Variants in SEPTIN9 observed in about 807,000 individuals in gnomAD.
The protein encoded by SEPTIN9 is septin-9.
SEPTIN9 carries 13 observed loss-of-function variants against 56.6 expected under a neutral mutation model. The observed-to-expected ratio is 0.23, with a 90% CI of 0.15 to 0.37. The LOEUF is 0.37. Ranked by LOEUF, SEPTIN9 falls within the 10% of genes least tolerant of loss-of-function variation. The pLI, the probability that SEPTIN9 is intolerant of heterozygous loss-of-function variation, is 1.00. For missense variants in SEPTIN9, 650 were observed against 823.1 expected (o/e 0.79, Z 2.57); for synonymous variants, 332 against 334.1 (o/e 0.99, Z 0.07).
At chr17:77,495,324 T>C (rs1252033119) in intron 10 of SEPTIN9, among the ~76,000 whole-genome samples, 1 of 152,202 alleles carries the variant, frequency 6.6e-6, no homozygotes, top group Non-Finnish European at 1.5e-5. Context: ...CCTGGAAATG[T>C]GCCTTCAGCA....
rs545623170 is a variant in SEPTIN9 at position 77,319,364 on chromosome 17, G to A, written c.76+12167G>A. Among the ~76,000 whole-genome samples, 5 of 152,332 alleles carry A rather than the reference G, an allele frequency of 3.3e-5. No individual in the cohort carries two copies. The South Asian group carries it at 6.2e-4, about 19-fold the overall frequency. ...CGGATGAACAGTGGGGAACAGCACT[G>A]ATCCCCCAGTGGGGCCCCGAGTTCC... On this transcript the variant is annotated intron_variant, in intron 2 of 11. Transcript: ENST00000427177. The surrounding 1 kb of genome is among the most constrained non-coding windows in gnomAD (Gnocchi z 5.3).
At position 77,453,085 on chromosome 17, in the gene SEPTIN9, G is replaced by T. The variant is rs951645381; in HGVS notation, c.722-29059G>T. Among the ~76,000 whole-genome samples, 1 of 151,810 alleles carries T rather than the reference G, an allele frequency of 6.6e-6. No individual in the cohort carries two copies. The highest frequency in any genetic ancestry group is 2.1e-4 in the South Asian group (1 of 4,812). On this transcript the variant is annotated intron_variant, in intron 3 of 11. Coordinates refer to ENST00000427177, the MANE Select transcript of SEPTIN9 (RefSeq NM_001113491.2). The surrounding 1 kb of genome is among the most constrained non-coding windows in gnomAD (Gnocchi z 4.4). ...GAGACACTATTGCATTGGCCACTTT[G>T]TGTTCCCACTAGCCCCCGCCCCTGT...
At chr17:77,362,675 A>G (rs1023617278) in intron 2 of SEPTIN9, among the ~76,000 whole-genome samples, 4 of 152,154 alleles carry the variant, frequency 2.6e-5, no homozygotes, top group Non-Finnish European at 4.4e-5. Flanking sequence ...ATGCTGCTGT[A>G]TGTTCACAGG....
Position 77,405,606 on chromosome 17 carries a change from C to A in SEPTIN9, c.721+2903C>A, listed in dbSNP as rs1054056167. Among the ~76,000 whole-genome samples the A allele has an allele frequency of 4.6e-5, 7 of 151,934 alleles. No homozygotes were observed. Among genetic ancestry groups the A allele is most frequent in the Non-Finnish European group, 8.8e-5 (6 of 67,952 alleles). ...GACAGTCCTGAGGGCCTAAGCAAGT[C>A]CAGGTGGAGGAAATGCAGGGACAGA... On this transcript the variant is annotated intron_variant, in intron 3 of 11. Coordinates refer to ENST00000427177, the MANE Select transcript of SEPTIN9 (RefSeq NM_001113491.2). The surrounding 1 kb of genome is among the most constrained non-coding windows in gnomAD (Gnocchi z 5.8).
chr17:77,299,006 T>C (rs1342381156), intron 1 of SEPTIN9, among the ~76,000 whole-genome samples: 1 of 152,108 alleles, frequency 6.6e-6, no homozygotes, highest in East Asian at 1.9e-4. Flanking sequence ...CTCCTCACTC[T>C]CTCTGCATCC....
chr17:77,293,023 TTTA>T (rs1301617823), intron 1 of SEPTIN9, among the ~76,000 whole-genome samples: 1 of 151,364 alleles, frequency 6.6e-6, no homozygotes. Context: ...TATTTATTTA[TTTA>T]TTTTTCCCAA....
chr17:77,408,721 G>T (rs934308024), intron 3 of SEPTIN9, among the ~76,000 whole-genome samples: 1 of 152,148 alleles, frequency 6.6e-6, no homozygotes, highest in African/African-American at 2.4e-5. Flanking sequence ...CACCTACTGG[G>T]CCCCAGAAGT....
rs1378919485 is a variant in SEPTIN9, at chr17:77,499,162, T to C, written c.*504T>C. On this transcript the variant is annotated 3_prime_UTR_variant, in exon 12 of 12. Transcript: ENST00000427177. ...CCTGGACCCCCTGCCCGCCACATGGTGTGGCCATCACTCAGCCCCTACCCC... is the reference window on the plus strand; with the variant it reads ...CCTGGACCCCCTGCCCGCCACATGGCGTGGCCATCACTCAGCCCCTACCCC... 1 of 536,802 alleles carries C rather than the reference T, an allele frequency of 1.9e-6. No individual in the cohort carries two copies. The highest frequency in any genetic ancestry group is 2.2e-5 in the Admixed American group (1 of 45,062). The allele number at this position is 536,802 out of a possible 1,614,324, so 33.3% of individuals were successfully genotyped here.
chr17:77,324,358 C>T (rs1347545), intron 2 of SEPTIN9, among the ~76,000 whole-genome samples: 57,871 of 152,104 alleles, frequency 0.38, 11,675 homozygotes, highest in African/African-American at 0.51. Context: ...GGATGCACAG[C>T]ATGGTTCCAT....
In SEPTIN9 at chr17:77,351,713, G is replaced by A. The variant is rs78109613; in HGVS notation, c.76+44516G>A. ...CGCCCAGCCCAGCGGCCCTTCAGGCGGGCCCTGTGCAGGGGCTGATGAAGT... is the reference window on the plus strand; with the variant it reads ...CGCCCAGCCCAGCGGCCCTTCAGGCAGGCCCTGTGCAGGGGCTGATGAAGT... On this transcript the variant is annotated intron_variant, in intron 2 of 11. Coordinates refer to ENST00000427177, the MANE Select transcript of SEPTIN9 (RefSeq NM_001113491.2). Among the ~76,000 whole-genome samples the A allele has an allele frequency of 7.9e-3, 1,205 of 152,346 alleles. 25 individuals carry two copies. Among genetic ancestry groups the A allele is most frequent in the African/African-American group, 0.027 (1,140 of 41,586 alleles).
rs939665039 is a variant in SEPTIN9 at position 77,475,537 on chromosome 17, G to T, written c.722-6607G>T. On this transcript the variant is annotated intron_variant, in intron 3 of 11. Transcript: ENST00000427177. This position sits in a 1 kb window ranked among gnomAD's most constrained non-coding sequence, Gnocchi z 4.6. Reference sequence around the variant, plus strand: ...TGCCCCCATGGGCTCAAGTTTCTGGGAAGGCCTGCAGGTGGCCGTAGGGCT... The same window carrying T: ...TGCCCCCATGGGCTCAAGTTTCTGGTAAGGCCTGCAGGTGGCCGTAGGGCT... 3.1e-6 allele frequency: 5 copies of T among 1,612,236 alleles called. No individual in the cohort carries two copies. The highest frequency in any genetic ancestry group is 4.2e-6 in the Non-Finnish European group (5 of 1,179,566).
At chr17:77,460,296 G>A (rs60599076) in intron 3 of SEPTIN9, among the ~76,000 whole-genome samples, 2,568 of 152,236 alleles carry the variant, frequency 0.017, 69 homozygotes, top group African/African-American at 0.058. Flanking sequence ...TGGTGTTTGT[G>A]GAGTGGGAGT....
chr17:77,282,149 C>A (rs1056179049), intron 1 of SEPTIN9, among the ~76,000 whole-genome samples: 1 of 152,246 alleles, frequency 6.6e-6, no homozygotes, highest in Non-Finnish European at 1.5e-5. Flanking sequence ...GGGGGCCTGA[C>A]TTGGGCCTCA....
chr17:77,463,353 C>G (rs1344901585), intron 3 of SEPTIN9, among the ~76,000 whole-genome samples: 5 of 152,234 alleles, frequency 3.3e-5, no homozygotes, highest in African/African-American at 1.2e-4. Flanking sequence ...CTGATTGCAC[C>G]CTTTTCCTGT....
intron 2 of SEPTIN9, among the ~76,000 whole-genome samples, chr17:77,396,536 G>A (rs1053567249): frequency 1.3e-5 from 2 of 152,048 alleles, no homozygotes; most frequent in African/African-American, 2.4e-5. Context: ...AGGTTATGCC[G>A]GTTCCACTGT....
intron 3 of SEPTIN9, among the ~76,000 whole-genome samples, chr17:77,427,665 G>A (rs879297667): frequency 2.0e-5 from 3 of 152,150 alleles, no homozygotes; most frequent in Non-Finnish European, 4.4e-5. Context: ...ACGGCAGGGG[G>A]CCTGGAGCAT....
rs2032738645 is a variant in SEPTIN9 at position 77,317,107 on chromosome 17, G to A, written c.76+9910G>A. Among the ~76,000 whole-genome samples the A allele has an allele frequency of 6.6e-6, 1 of 152,222 alleles. No individual in the cohort carries two copies. On this transcript the variant is annotated intron_variant, in intron 2 of 11. Transcript: ENST00000427177. This position sits in a 1 kb window ranked among gnomAD's most constrained non-coding sequence, Gnocchi z 4.2. ...TAACAGAAAGCAACTCCAGTGAGCT[G>A]AGCCCTGGCTCCGTCTGTGGCGCTG...
intron 2 of SEPTIN9, among the ~76,000 whole-genome samples, chr17:77,351,885 AGGTGCTT>A (rs2143808040): frequency 6.6e-6 from 1 of 152,376 alleles, no homozygotes; most frequent in Admixed American, 6.5e-5. Flanking sequence ...CCGACATGGC[AGGTGCTT>A]GGTCAGCAGC....
intron 1 of SEPTIN9, among the ~76,000 whole-genome samples, chr17:77,295,599 G>C (rs191157660): frequency 6.6e-6 from 1 of 152,320 alleles, no homozygotes; most frequent in East Asian, 1.9e-4. Context: ...GCAGAGGTCG[G>C]CGTTTCTCCC....
Sources: gnomAD v4.1 joint callset for allele counts (sites outside exome capture counted in the v4.1 genomes callset) on GRCh38, gnomAD v4.1.1 for gene constraint, Gnocchi (gnomAD v3.1) non-coding constraint, MANE v1.5 for transcripts, NCBI Gene and HGNC (gene_info 2026-07-23, HGNC 2026-07-21) for gene names.